The following PCM1 variants were observed in gnomAD, a reference collection of about 807,000 sequenced individuals.
The protein encoded by PCM1 is pericentriolar material 1 protein.
A neutral mutation model predicts 241.9 loss-of-function variants in PCM1; 157 were observed. The ratio of observed to expected loss-of-function variants is 0.65; its 90% CI spans 0.57 to 0.74. The LOEUF (loss-of-function observed/expected upper bound fraction) is 0.74, where lower values mean the gene tolerates loss of function less well. Among genes scored for constraint, PCM1 ranks in the 30% least tolerant of loss-of-function variants. The pLI is 0.00. For synonymous variants in PCM1, 1,085 were observed against 784.9 expected, an observed-to-expected ratio of 1.38 and a Z score of -6.39; for missense variants, 3,478 against 2,360.1, an observed-to-expected ratio of 1.47 and a Z score of -9.81.
rs1442580793 is a variant in PCM1, at chr8:18,014,610, C to G, written c.5611C>G (p.Pro1871Ala). ...TGACCAAAATAACTGTCCTGTGAAA[C>G]CCTGTTACCTCAATATCTTGGAAGA... ...KNDQNNCPVK[P>A]CYLNILEDEQ... The change falls in exon 36 of 39, where the codon CCC becomes GCC. Residue 1871 changes from proline to alanine, a missense_variant. Coordinates refer to ENST00000325083, the MANE Select transcript of PCM1 (RefSeq NM_006197.4). The G allele has an allele frequency of 6.2e-7, 1 of 1,610,284 alleles. No individual in the cohort carries two copies. Among genetic ancestry groups the G allele is most frequent in the Admixed American group, 1.7e-5 (1 of 59,906 alleles).
intron 4 of PCM1, among the ~76,000 whole-genome samples, chr8:17,938,506 A>T (rs1332204060): frequency 6.6e-6 from 1 of 152,170 alleles, no homozygotes; most frequent in Non-Finnish European, 1.5e-5. Context: ...TACCTTGTTC[A>T]TATTCGTCAG....
intron 1 of PCM1, among the ~76,000 whole-genome samples, chr8:17,924,296 A>G (rs950862617): frequency 6.6e-6 from 1 of 152,208 alleles, no homozygotes; most frequent in Non-Finnish European, 1.5e-5. Flanking sequence ...TGACGAGGTT[A>G]TTTTATTATG....
At chr8:17,935,969 G>T (rs2060296618) in intron 3 of PCM1, among the ~76,000 whole-genome samples, 1 of 152,140 alleles carries the variant, frequency 6.6e-6, no homozygotes, top group African/African-American at 2.4e-5. Context: ...TGGGTTTTAG[G>T]AAGGGATTTG....
At chr8:17,974,581 G>A (rs1247203787) in intron 23 of PCM1, among the ~76,000 whole-genome samples, 1 of 152,108 alleles carries the variant, frequency 6.6e-6, no homozygotes, top group East Asian at 1.9e-4. Flanking sequence ...ACTTCAAGTA[G>A]CAGATTTTAC....
At chr8:17,985,283 C>G (rs1324497173) in intron 24 of PCM1, among the ~76,000 whole-genome samples, 164 bp from the exon 25 acceptor site, 1 of 151,382 alleles carries the variant, frequency 6.6e-6, no homozygotes, top group Non-Finnish European at 1.5e-5. Flanking sequence ...TTTTATTTAT[C>G]TTGGTAATAT....
At chr8:18,008,292 G>A (rs753699098) in intron 30 of PCM1, among the ~76,000 whole-genome samples, 3 of 151,920 alleles carry the variant, frequency 2.0e-5, no homozygotes, top group Non-Finnish European at 4.4e-5. Flanking sequence ...GAGGGATCTA[G>A]GTTACATGCT....
intron 34 of PCM1, among the ~76,000 whole-genome samples, chr8:18,012,862 G>T (rs2092695973): frequency 6.6e-6 from 1 of 151,956 alleles, no homozygotes; most frequent in South Asian, 2.1e-4. Context: ...TTTTATTTCA[G>T]CTGTCATATT....
intron 38 of PCM1, among the ~76,000 whole-genome samples, chr8:18,026,930 C>T (rs1455714757): frequency 6.6e-6 from 1 of 152,128 alleles, no homozygotes; most frequent in Non-Finnish European, 1.5e-5. Context: ...TATACCTTCT[C>T]TGAGGTTGCT....
chr8:18,019,782 A>G (rs1011492431), intron 36 of PCM1, among the ~76,000 whole-genome samples: 1 of 152,154 alleles, frequency 6.6e-6, no homozygotes, highest in Admixed American at 6.5e-5. Flanking sequence ...ACCTCCTGCT[A>G]TTTGGCCTGG....
intron 2 of PCM1, among the ~76,000 whole-genome samples, chr8:17,931,830 G>T (rs2059129421): frequency 6.6e-6 from 1 of 151,926 alleles, no homozygotes; most frequent in South Asian, 2.1e-4. Context: ...AGTCATTTTG[G>T]TTCACTGGAT....
intron 38 of PCM1, among the ~76,000 whole-genome samples, chr8:18,026,244 A>G (rs142912928): frequency 5.2e-4 from 72 of 139,296 alleles, no homozygotes; most frequent in African/African-American, 1.7e-3. Flanking sequence ...AAAATATTAT[A>G]AATAGCAAAA....
At chr8:17,968,024 C>T (rs1587211608) in intron 21 of PCM1, among the ~76,000 whole-genome samples, 1 of 147,730 alleles carries the variant, frequency 6.8e-6, no homozygotes, top group East Asian at 2.0e-4. Flanking sequence ...AGTGCAAATG[C>T]TGGGAAGTGT....
chr8:18,003,640 CATA>C (rs1353929155), intron 29 of PCM1, among the ~76,000 whole-genome samples: 1 of 152,080 alleles, frequency 6.6e-6, no homozygotes, highest in African/African-American at 2.4e-5. Flanking sequence ...AATAGTATCT[CATA>C]GTACCTACAG....
chr8:18,000,677 A>G (rs1406757969), intron 29 of PCM1, among the ~76,000 whole-genome samples: 1 of 152,142 alleles, frequency 6.6e-6, no homozygotes, highest in Non-Finnish European at 1.5e-5. Context: ...GCGGGAATGC[A>G]GTGGCGCGAT....
chr8:17,986,915 G>A (rs1325338494), intron 26 of PCM1, among the ~76,000 whole-genome samples: 1 of 151,778 alleles, frequency 6.6e-6, no homozygotes, highest in East Asian at 1.9e-4. Context: ...TTGTTGAAGT[G>A]TTAATACTAA....
intron 1 of PCM1, among the ~76,000 whole-genome samples, 196 bp downstream of exon 1, chr8:17,923,384 G>C (rs2055331066): frequency 6.6e-6 from 1 of 152,216 alleles, no homozygotes; most frequent in Non-Finnish European, 1.5e-5. Flanking sequence ...AGGACTGATC[G>C]CCGGGATCCC....
chr8:17,967,316 T>G, intron 21 of PCM1, 146 bp downstream of exon 21: 2 of 633,154 alleles, frequency 3.2e-6, no homozygotes. Flanking sequence ...TTTTTTTTTT[T>G]TTTCTTTTTG....
In PCM1 at chr8:17,937,303, T is replaced by TG; in HGVS notation, c.267dup (p.Ser90GlufsTer22). ...CATACGTTCCCACACAGTAGATACA[T>TG]GAGTCAGATGTCTGTCCCAGAGCAG... On this transcript the variant is annotated frameshift_variant, in exon 4 of 39. Transcript: ENST00000325083. LOFTEE classifies it high-confidence loss of function. 1 of 1,609,458 alleles carries TG rather than the reference T, an allele frequency of 6.2e-7. No homozygotes were observed. Among genetic ancestry groups the TG allele is most frequent in the Middle Eastern group, 1.7e-4 (1 of 6,058 alleles).
chr8:17,982,801 G>C (rs893717987), intron 24 of PCM1, among the ~76,000 whole-genome samples: 1 of 151,940 alleles, frequency 6.6e-6, no homozygotes, highest in Non-Finnish European at 1.5e-5. Context: ...GCCCTGAAAA[G>C]ATTTATTTTT....
Sources: allele counts gnomAD v4.1 joint callset (sites outside exome capture counted in the v4.1 genomes callset), GRCh38; gene constraint gnomAD v4.1.1; transcripts MANE v1.5; gene names NCBI Gene and HGNC (gene_info 2026-07-23, HGNC 2026-07-21).